The following ICA1 variants were observed in gnomAD, a reference collection of about 807,000 sequenced individuals.
ICA1 encodes the protein islet cell autoantigen 1.
Under a neutral mutation model 71.0 loss-of-function variants are expected in ICA1, and 40 were observed. The observed-to-expected ratio is 0.56, with a 90% confidence interval of 0.44 to 0.73. The LOEUF (loss-of-function observed/expected upper bound fraction) is 0.73, where lower values mean the gene tolerates loss of function less well. Ranked by LOEUF, ICA1 falls within the 30% of genes least tolerant of loss-of-function variation. ICA1 has a pLI of 0.00. For missense variants in ICA1, 578 were observed against 576.5 expected, an observed-to-expected ratio of 1.00 and a Z score of -0.03; for synonymous variants, 207 against 209.5, an observed-to-expected ratio of 0.99 and a Z score of 0.10.
intron 1 of ICA1, among the ~76,000 whole-genome samples, chr7:8,253,511 T>C (rs1335485180): frequency 6.6e-6 from 1 of 152,194 alleles, no homozygotes; most frequent in Non-Finnish European, 1.5e-5. Context: ...CACAAATATA[T>C]ATAGCTGACC....
intron 12 of ICA1, 95 bp from the exon 13 acceptor site, chr7:8,128,237 T>C (rs757857550): frequency 8.7e-6 from 11 of 1,262,848 alleles, no homozygotes; most frequent in South Asian, 1.4e-5. Context: ...GACTGGTTGA[T>C]GGCTAGATTT....
At chr7:8,119,800 C>T (rs866628717) in intron 13 of ICA1, among the ~76,000 whole-genome samples, 2 of 152,220 alleles carry the variant, frequency 1.3e-5, no homozygotes, top group South Asian at 2.1e-4. Context: ...GAGCCGAGAT[C>T]GTGCCACTGT....
chr7:8,120,796 C>A (rs1386018761), intron 13 of ICA1, among the ~76,000 whole-genome samples: 1 of 152,240 alleles, frequency 6.6e-6, no homozygotes. Context: ...AGGCATAAGG[C>A]CGGCCAGCTA....
intron 1 of ICA1, among the ~76,000 whole-genome samples, chr7:8,237,813 A>C (rs931559185): frequency 7.2e-6 from 1 of 138,386 alleles, no homozygotes; most frequent in Non-Finnish European, 1.5e-5. Context: ...TGCAATGTTG[A>C]AGACAGACAC....
At position 8,228,922 on chromosome 7, in the gene ICA1, C is replaced by T. The variant is rs111924021; in HGVS notation, c.184-249G>A. Reference sequence around the variant, plus strand: ...TAAGATCTGCAGAACAGTTATTTCTCCCAGTCTACTGAAATAATAGCTGAA... The same window carrying T: ...TAAGATCTGCAGAACAGTTATTTCTTCCAGTCTACTGAAATAATAGCTGAA... On this transcript the variant is annotated intron_variant, in intron 3 of 13. Coordinates refer to ENST00000402384, the MANE Select transcript of ICA1 (RefSeq NM_001136020.3). 1.0e-3 allele frequency among the ~76,000 whole-genome samples: 158 copies of T among 152,280 alleles called. 1 individual carries two copies. Among genetic ancestry groups the T allele is most frequent in the African/African-American group, 3.7e-3 (154 of 41,550 alleles).
At chr7:8,213,884 C>T (rs1211987528) in intron 6 of ICA1, among the ~76,000 whole-genome samples, 1 of 152,172 alleles carries the variant, frequency 6.6e-6, no homozygotes, top group Non-Finnish European at 1.5e-5. Context: ...TGAACAGTCT[C>T]CAAAACCTAA....
intron 6 of ICA1, among the ~76,000 whole-genome samples, chr7:8,193,429 T>C (rs1786377782): frequency 6.6e-6 from 1 of 152,190 alleles, no homozygotes; most frequent in Non-Finnish European, 1.5e-5. Flanking sequence ...ACTTATCTGC[T>C]CAATCCTGGA....
At chr7:8,253,801 C>T (rs982531482) in intron 1 of ICA1, among the ~76,000 whole-genome samples, 3 of 152,090 alleles carry the variant, frequency 2.0e-5, no homozygotes, top group African/African-American at 7.2e-5. Flanking sequence ...AACCAATCCC[C>T]TGTGTATACA....
intron 5 of ICA1, 120 bp downstream of exon 5, chr7:8,221,155 A>G (rs1796930385): frequency 2.7e-6 from 3 of 1,128,036 alleles, no homozygotes; most frequent in Non-Finnish European, 3.9e-6. Flanking sequence ...AGTACAGAGC[A>G]GCTCCTCAGC....
chr7:8,172,320 C>T lies in ICA1; in HGVS notation c.580-13668G>A, dbSNP rs533895061. Reference sequence around the variant, plus strand: ...TTTTATAAATTGACCCTATTATCTTCAATAAATATCCTTATTTCTGGTAAT... The same window carrying T: ...TTTTATAAATTGACCCTATTATCTTTAATAAATATCCTTATTTCTGGTAAT... On this transcript the variant is annotated intron_variant, in intron 6 of 13. Transcript: ENST00000402384. 3.2e-3 allele frequency among the ~76,000 whole-genome samples: 493 copies of T among 152,152 alleles called. 1 individual carries two copies. The highest frequency in any genetic ancestry group is 0.014 in the Middle Eastern group (4 of 294).
intron 7 of ICA1, chr7:8,157,682 G>C: frequency 7.2e-6 from 1 of 139,688 alleles, no homozygotes; most frequent in Non-Finnish European, 1.5e-5. Context: ...TGAAGACAAG[G>C]AACCTAGTCT....
At chr7:8,175,716 A>G (rs2128243521) in intron 6 of ICA1, among the ~76,000 whole-genome samples, 1 of 152,342 alleles carries the variant, frequency 6.6e-6, no homozygotes, top group East Asian at 1.9e-4. Context: ...ACAAAAATCA[A>G]ACGGGGATTA....
At chr7:8,143,407 A>G (rs926835319) in intron 9 of ICA1, among the ~76,000 whole-genome samples, 3 of 152,196 alleles carry the variant, frequency 2.0e-5, no homozygotes, top group African/African-American at 7.2e-5. Context: ...CCAAAATCCA[A>G]CACTTTCATA....
chr7:8,152,861 C>T (rs949431613), intron 8 of ICA1, among the ~76,000 whole-genome samples: 6 of 131,888 alleles, frequency 4.5e-5, no homozygotes, highest in Admixed American at 1.5e-4. Flanking sequence ...TCACCTCCTC[C>T]GCCACCATCA....
intron 8 of ICA1, among the ~76,000 whole-genome samples, chr7:8,152,065 C>G (rs1798996037): frequency 6.6e-6 from 1 of 152,138 alleles, no homozygotes; most frequent in African/African-American, 2.4e-5. Flanking sequence ...TGCCTGCCGG[C>G]CTTCCCAGCC....
At chr7:8,190,092 T>C (rs1226695212) in intron 6 of ICA1, among the ~76,000 whole-genome samples, 1 of 152,226 alleles carries the variant, frequency 6.6e-6, no homozygotes, top group African/African-American at 2.4e-5. Context: ...ACAAAATTCA[T>C]ATAAAAATCT....
chr7:8,148,927 A>C (rs913899311), intron 8 of ICA1, among the ~76,000 whole-genome samples: 5 of 152,180 alleles, frequency 3.3e-5, no homozygotes, highest in African/African-American at 1.2e-4. Context: ...GATATTCTCT[A>C]GACTGCTCTC....
intron 7 of ICA1, 125 bp downstream of exon 7, chr7:8,158,402 G>A: frequency 8.4e-7 from 1 of 1,191,408 alleles, no homozygotes; most frequent in Non-Finnish European, 1.2e-6. Flanking sequence ...TGTGGGAAGT[G>A]AAATTACGGA....
chr7:8,186,064 G>A (rs1048259800), intron 6 of ICA1, among the ~76,000 whole-genome samples: 1 of 152,200 alleles, frequency 6.6e-6, no homozygotes, highest in Non-Finnish European at 1.5e-5. Context: ...AGAACCCTGG[G>A]AGAGTTTTGA....
Sources: gnomAD v4.1 joint callset for allele counts (sites outside exome capture counted in the v4.1 genomes callset) on GRCh38, gnomAD v4.1.1 for gene constraint, MANE v1.5 for transcripts, NCBI Gene and HGNC (gene_info 2026-07-23, HGNC 2026-07-21) for gene names.